MYL10: variants seen among roughly 807,000 people sequenced by gnomAD.
MYL10 encodes myosin light chain 10.
In MYL10, 18 loss-of-function variants were observed where a neutral mutation model predicts 21.9. The observed-to-expected ratio is 0.82, with a 90% confidence interval of 0.57 to 1.22. The LOEUF (loss-of-function observed/expected upper bound fraction) is 1.22, where lower values mean the gene tolerates loss of function less well. Ranked by LOEUF, MYL10 falls within the 50% of genes most tolerant of loss-of-function variation. The probability of loss-of-function intolerance (pLI) is 0.00; values close to 1 mark genes in which losing one functional copy is unlikely to be tolerated. For synonymous variants in MYL10, 88 were observed against 82.8 expected (o/e 1.06, Z -0.34); for missense variants, 225 against 230.4 (o/e 0.98, Z 0.15).
intron 5 of MYL10, among the ~76,000 whole-genome samples, chr7:101,620,845 A>G (rs1371812788): frequency 1.3e-5 from 2 of 149,174 alleles, no homozygotes; most frequent in Non-Finnish European, 3.0e-5. Context: ...CTGGAGTGCA[A>G]TGGCACCATC....
Position 101,622,197 on chromosome 7 carries a change from C to A in MYL10, c.353G>T (p.Arg118Leu). The change falls in exon 5 of 8, where the codon CGC (arginine) becomes CTC (leucine). Residue 118 changes from arginine to leucine, a missense_variant. Coordinates refer to ENST00000223167, the MANE Select transcript of MYL10 (RefSeq NM_138403.5). The stretch of plus-strand genomic sequence containing the variant: ...CAGTTCCTCGTTCTTGACATTGATG[C>A]GGCCTGTGGGAGGTGAGAGGTGGGG... ...DLRDTFAALG[R>L]INVKNEELEA... 1.2e-6 allele frequency: 2 copies of A among 1,610,978 alleles called. No individual in the cohort carries two copies. The highest frequency in any genetic ancestry group is 1.7e-6 in the Non-Finnish European group (2 of 1,178,070).
At chr7:101,620,194 G>A (rs967267607) in intron 5 of MYL10, among the ~76,000 whole-genome samples, 15 of 152,044 alleles carry the variant, frequency 9.9e-5, no homozygotes, top group Admixed American at 5.2e-4. Context: ...GCATGGTGGC[G>A]GGTGCCTGTA....
chr7:101,624,409 C>T (rs1796720840), intron 1 of MYL10, 145 bp from the exon 2 acceptor site: 4 of 607,726 alleles, frequency 6.6e-6, no homozygotes, highest in South Asian at 4.0e-5. Context: ...AAGGCTACCC[C>T]TGAAGCCTTG....
intron 1 of MYL10, among the ~76,000 whole-genome samples, chr7:101,625,624 C>A (rs13221724): frequency 0.31 from 47,402 of 151,750 alleles, 7,870 homozygotes; most frequent in Middle Eastern, 0.39. Context: ...GGCAGAAGCG[C>A]CGGCTGACTT....
At chr7:101,618,641 A>C (rs1321942992) in intron 5 of MYL10, among the ~76,000 whole-genome samples, 1 of 152,146 alleles carries the variant, frequency 6.6e-6, no homozygotes, top group Non-Finnish European at 1.5e-5. Context: ...ATCGTTGGGA[A>C]TCTCATGACA....
rs761619758 is a variant in MYL10 at position 101,616,234 on chromosome 7, G to C, written c.519C>G (p.Phe173Leu). 16 of 1,614,100 alleles carry C rather than the reference G, an allele frequency of 9.9e-6. No individual in the cohort carries two copies. In the East Asian group the frequency reaches 3.3e-4, roughly 34 times the overall value. ...GGGAAACTTACACATCGGCCTTGAC[G>C]AAACCTTTCCCTTCAGTGTCGAACA... ...FKVFDTEGKG[F>L]VKADVIKEKL... The change falls in exon 6 of 8, where the codon TTC becomes TTG. Residue 173 changes from phenylalanine to leucine, a missense_variant. Coordinates refer to ENST00000223167, the MANE Select transcript of MYL10 (RefSeq NM_138403.5).
intron 1 of MYL10, among the ~76,000 whole-genome samples, chr7:101,626,686 G>A (rs1248848161): frequency 6.6e-6 from 1 of 152,134 alleles, no homozygotes; most frequent in Non-Finnish European, 1.5e-5. Flanking sequence ...CCTCCCAGGG[G>A]GCCCCTGCCC....
chr7:101,627,105 A>C (rs1403655014), intron 1 of MYL10, among the ~76,000 whole-genome samples: 1 of 151,224 alleles, frequency 6.6e-6, no homozygotes, highest in Non-Finnish European at 1.5e-5. Flanking sequence ...CAACCTGGAC[A>C]ACATGGTGAA....
At chr7:101,625,598 C>T (rs1389909592) in intron 1 of MYL10, among the ~76,000 whole-genome samples, 17 of 152,012 alleles carry the variant, frequency 1.1e-4, no homozygotes, top group Admixed American at 1.1e-3. Flanking sequence ...CAGGAGCCCG[C>T]GTCGTCGAGG....
At position 101,613,542 on chromosome 7, in the gene MYL10, T is replaced by C. The variant is rs1221297551; in HGVS notation, c.614A>G (p.Asp205Gly). 6.2e-7 allele frequency: 1 copy of C among 1,614,092 alleles called. No individual in the cohort carries two copies. Among genetic ancestry groups the C allele is most frequent in the East Asian group, 2.2e-5 (1 of 44,876 alleles). The stretch of plus-strand genomic sequence containing the variant: ...TCTGTAGTCCAGGTTGCCGCACACA[T>C]CTGGGGGAAATGCTGCAAACATCTG... ...VKQMFAAFPPDVCGNLDYRNL... is the reference protein window; with the variant it reads ...VKQMFAAFPPGVCGNLDYRNL... The change falls in exon 8 of 8, where the codon GAT (aspartate) becomes GGT (glycine). Residue 205 changes from aspartate to glycine, a missense_variant. Coordinates refer to ENST00000223167, the MANE Select transcript of MYL10 (RefSeq NM_138403.5).
intron 1 of MYL10, 25 bp from the exon 2 acceptor site, chr7:101,624,289 G>T: frequency 6.3e-7 from 1 of 1,595,692 alleles, no homozygotes; most frequent in Non-Finnish European, 8.6e-7. Flanking sequence ...ACAAGGCCTT[G>T]CAGCGGCCCC....
At chr7:101,627,847 G>C (rs1448073474) in intron 1 of MYL10, among the ~76,000 whole-genome samples, 1 of 152,268 alleles carries the variant, frequency 6.6e-6, no homozygotes, top group African/African-American at 2.4e-5. Context: ...TGAGCCGTCA[G>C]GGAGTGTTGC....
chr7:101,624,207 T>C lies in MYL10; in HGVS notation c.136A>G (p.Met46Val), dbSNP rs1381448569. 4 of 1,613,538 alleles carry C rather than the reference T, an allele frequency of 2.5e-6. No homozygotes were observed. Among genetic ancestry groups the C allele is most frequent in the African/African-American group, 1.3e-5 (1 of 74,812 alleles). ...EGTASSNVFS[M>V]FDQSQIQEFK... is the part of the protein sequence containing the mutation. Reference sequence around the variant, plus strand: ...TCCTGGATCTGGGACTGATCAAACATGGAGAAGACGTTGGAGCTGGCGGTG... The same window carrying C: ...TCCTGGATCTGGGACTGATCAAACACGGAGAAGACGTTGGAGCTGGCGGTG... Residue 46 changes from methionine to valine, a missense_variant, in exon 2 of 8, where the codon ATG becomes GTG. Coordinates refer to ENST00000223167, the MANE Select transcript of MYL10 (RefSeq NM_138403.5).
In MYL10 at chr7:101,624,169, A is replaced by G; in HGVS notation, c.171+3T>C. 1 of 1,602,596 alleles carries G rather than the reference A, an allele frequency of 6.2e-7. No homozygotes were observed. The highest frequency in any genetic ancestry group is 1.3e-5 in the African/African-American group (1 of 74,562). On this transcript the variant is annotated splice_donor_region_variant and intron_variant, in intron 2 of 7. Transcript: ENST00000223167. ...TAACAGCCCCATGGGGCAGCAGACC[A>G]ACCTCTTTAAACTCCTGGATCTGGG...
intron 3 of MYL10, 135 bp from the exon 4 acceptor site, chr7:101,623,207 T>C: frequency 1.5e-6 from 1 of 680,216 alleles, no homozygotes; most frequent in South Asian, 1.8e-5. Flanking sequence ...TGGGATGGGC[T>C]CCATCCCCAA....
At chr7:101,627,990 G>A (rs1490637279) in intron 1 of MYL10, among the ~76,000 whole-genome samples, 1 of 152,188 alleles carries the variant, frequency 6.6e-6, no homozygotes, top group Admixed American at 6.5e-5. Context: ...AGGGGGGAGT[G>A]TATGAAACCC....
At chr7:101,622,873 T>G in intron 4 of MYL10, 124 bp downstream of exon 4, 1 of 750,904 alleles carries the variant, frequency 1.3e-6, no homozygotes, top group Non-Finnish European at 2.1e-6. Context: ...GTGGCTGCCT[T>G]TACCCTGTGC....
chr7:101,629,214 G>A lies in MYL10; in HGVS notation c.-96C>T. The A allele has an allele frequency of 3.2e-6, 1 of 311,286 alleles. No homozygotes were observed. Among genetic ancestry groups the A allele is most frequent in the South Asian group, 2.5e-5 (1 of 39,342 alleles). 19.3% of individuals were successfully genotyped at this position (311,286 alleles called of 1,614,324 possible). A position where few individuals can be genotyped will look rare whatever the true frequency, so the allele number is the denominator to read the frequency against. On this transcript the variant is annotated 5_prime_UTR_variant, in exon 1 of 8. Transcript: ENST00000223167. Reference sequence around the variant, plus strand: ...AAAGTTCCCTTATCCCGTTCATAGGGCATGCGATGGGGGTGTGGCTCGCTT... The same window carrying A: ...AAAGTTCCCTTATCCCGTTCATAGGACATGCGATGGGGGTGTGGCTCGCTT...
chr7:101,615,203 G>A (rs1796594678), intron 6 of MYL10, among the ~76,000 whole-genome samples: 1 of 152,124 alleles, frequency 6.6e-6, no homozygotes, highest in Non-Finnish European at 1.5e-5. Context: ...TCTTGCCCGA[G>A]GCGGTGCTGG....
Sources: allele counts gnomAD v4.1 joint callset (sites outside exome capture counted in the v4.1 genomes callset), GRCh38; gene constraint gnomAD v4.1.1; transcripts MANE v1.5; gene names NCBI Gene and HGNC (gene_info 2026-07-23, HGNC 2026-07-21).